Variants in MPDZ observed in about 807,000 individuals in gnomAD.
MPDZ encodes multiple PDZ domain protein.
A neutral mutation model predicts 239.1 loss-of-function variants in MPDZ; 234 were observed. The observed-to-expected ratio is 0.98, with a 90% CI of 0.88 to 1.09. The LOEUF (loss-of-function observed/expected upper bound fraction) is 1.09. MPDZ is among the 50% of genes least tolerant of loss of function. The pLI is 0.00. For missense variants in MPDZ, 3,175 were observed against 2,510.0 expected (o/e 1.26, Z -5.66); for synonymous variants, 1,048 against 881.3 (o/e 1.19, Z -3.35).
chr9:13,162,357 T>TA (rs1272038122), intron 23 of MPDZ, among the ~76,000 whole-genome samples: 3 of 150,864 alleles, frequency 2.0e-5, no homozygotes, highest in East Asian at 1.9e-4. Context: ...ATTAAAAGAG[T>TA]AAAAAAATCA....
intron 22 of MPDZ, among the ~76,000 whole-genome samples, chr9:13,164,349 C>A (rs1022213423): frequency 9.9e-5 from 15 of 151,856 alleles, no homozygotes; most frequent in Admixed American, 7.9e-4. Context: ...TCAAATAATA[C>A]ATTATGTCAG....
At chr9:13,263,760 G>A (rs1971213172) in intron 1 of MPDZ, among the ~76,000 whole-genome samples, 1 of 152,080 alleles carries the variant, frequency 6.6e-6, no homozygotes, top group Non-Finnish European at 1.5e-5. Context: ...GTTTTACTTT[G>A]AACATACGTT....
At chr9:13,252,566 C>T (rs983253984) in intron 1 of MPDZ, among the ~76,000 whole-genome samples, 8 of 63,020 alleles carry the variant, frequency 1.3e-4, no homozygotes, top group Admixed American at 3.9e-4. Context: ...CTCTGTCCCC[C>T]GCAAAAAAAA....
chr9:13,124,523 GT>G (rs1944837396), intron 35 of MPDZ, among the ~76,000 whole-genome samples: 1 of 152,074 alleles, frequency 6.6e-6, no homozygotes, highest in Non-Finnish European at 1.5e-5. Flanking sequence ...GCTTGAAACT[GT>G]TTTATTACAC....
intron 10 of MPDZ, among the ~76,000 whole-genome samples, chr9:13,210,325 G>A (rs1456004235): frequency 4.6e-5 from 7 of 151,618 alleles, no homozygotes; most frequent in South Asian, 2.1e-4. Flanking sequence ...GCCACCAAGC[G>A]GAAATTTAAA....
At chr9:13,271,738 G>A (rs1031099944) in intron 1 of MPDZ, among the ~76,000 whole-genome samples, 3 of 152,112 alleles carry the variant, frequency 2.0e-5, no homozygotes, top group Non-Finnish European at 2.9e-5. Flanking sequence ...ATAAGACAAC[G>A]GAAGTGCAGG....
chr9:13,109,963 C>G lies in MPDZ; in HGVS notation c.5931G>C (p.Gln1977His), dbSNP rs372873246. The change falls in exon 45 of 47, where the codon CAG becomes CAC. Residue 1977 changes from glutamine (Q) to histidine (H), a missense_variant. Transcript: ENST00000319217. The stretch of plus-strand genomic sequence containing the variant: ...ATGTATGAACTCACCCTAAATCATC[C>G]TGAAATATACTGCTTGACGTCAGCC... ...FTGLTSSSIF[Q>H]DDLGPPQCKS... The G allele has an allele frequency of 1.9e-6, 3 of 1,612,286 alleles. No individual in the cohort carries two copies. Among genetic ancestry groups the G allele is most frequent in the Non-Finnish European group, 2.5e-6 (3 of 1,179,390 alleles).
chr9:13,278,083 C>T (rs1974643968), intron 1 of MPDZ, among the ~76,000 whole-genome samples: 1 of 152,102 alleles, frequency 6.6e-6, no homozygotes, highest in Non-Finnish European at 1.5e-5. Flanking sequence ...GTAACCTAAA[C>T]CAGGAATTTC....
intron 1 of MPDZ, among the ~76,000 whole-genome samples, chr9:13,269,721 G>A (rs1338005406): frequency 6.6e-6 from 1 of 152,212 alleles, no homozygotes; most frequent in Non-Finnish European, 1.5e-5. Context: ...TGCCAGCAAA[G>A]AGATGTTACT....
rs2133660084 is a variant in MPDZ at position 13,162,798 on chromosome 9, G to A, written c.3255-3C>T. 6.3e-7 allele frequency: 1 copy of A among 1,596,174 alleles called. No homozygotes were observed. The highest frequency in any genetic ancestry group is 8.6e-7 in the Non-Finnish European group (1 of 1,166,392). ...GTTCTGCAGGCACATAAGTAATTCT[G>A]GAACAAACCAGAATCCATGGAAGTG... On this transcript the variant is annotated splice_polypyrimidine_tract_variant and splice_region_variant and intron_variant, in intron 22 of 46. Coordinates refer to ENST00000319217, the MANE Select transcript of MPDZ (RefSeq NM_001378778.1).
intron 22 of MPDZ, chr9:13,165,498 G>A: frequency 1.4e-6 from 2 of 1,453,894 alleles, no homozygotes; most frequent in African/African-American, 1.4e-5. Flanking sequence ...GCATACATAT[G>A]TAGTTAAAAG....
intron 19 of MPDZ, among the ~76,000 whole-genome samples, chr9:13,177,774 A>G (rs1341572829): frequency 6.6e-6 from 1 of 152,170 alleles, no homozygotes; most frequent in East Asian, 1.9e-4. Flanking sequence ...AAATTAATAG[A>G]AACTAATACA....
rs545268941 is a variant in MPDZ at position 13,140,558 on chromosome 9, A to G, written c.3841-409T>C. Among the ~76,000 whole-genome samples, 174 of 151,050 alleles carry G rather than the reference A, an allele frequency of 1.2e-3. 1 individual carries two copies. The highest frequency in any genetic ancestry group is 3.6e-3 in the Middle Eastern group (1 of 278). ...TTAGATGGGATTCAGGTAAAGTTTAAATATATCAAACCAAGTAGTATCAGA... is the reference window on the plus strand; with the variant it reads ...TTAGATGGGATTCAGGTAAAGTTTAGATATATCAAACCAAGTAGTATCAGA... On this transcript the variant is annotated intron_variant, in intron 27 of 46. Coordinates refer to ENST00000319217, the MANE Select transcript of MPDZ (RefSeq NM_001378778.1).
intron 24 of MPDZ, among the ~76,000 whole-genome samples, chr9:13,157,683 T>C (rs775320044): frequency 6.6e-6 from 1 of 152,034 alleles, no homozygotes; most frequent in Non-Finnish European, 1.5e-5. Context: ...CCTATCTAGT[T>C]TCTACAAATG....
At chr9:13,249,602 G>A (rs1464367122) in intron 2 of MPDZ, among the ~76,000 whole-genome samples, 1 of 152,074 alleles carries the variant, frequency 6.6e-6, no homozygotes, top group Non-Finnish European at 1.5e-5. Context: ...AATGATTAAG[G>A]TGCCAGAGTG....
At chr9:13,170,108 A>G (rs1188255824) in intron 21 of MPDZ, among the ~76,000 whole-genome samples, 1 of 152,186 alleles carries the variant, frequency 6.6e-6, no homozygotes, top group Non-Finnish European at 1.5e-5. Flanking sequence ...ACAAAATTAT[A>G]TAATTAAACA....
intron 25 of MPDZ, among the ~76,000 whole-genome samples, chr9:13,148,423 G>C (rs1948713457): frequency 6.6e-6 from 1 of 151,932 alleles, no homozygotes. Context: ...ACCATGTTAT[G>C]ATATATACAA....
rs1467827996 is a variant in MPDZ at position 13,113,999 on chromosome 9, G to A, written c.5489C>T (p.Ser1830Phe). 1 of 1,596,380 alleles carries A rather than the reference G, an allele frequency of 6.3e-7. No homozygotes were observed. The highest frequency in any genetic ancestry group is 8.5e-7 in the Non-Finnish European group (1 of 1,170,842). ...GGATCCAGAGAGTGGAAAAGTGAAA[G>A]ATGACAGGCTGCCTTCACTCACCTA... The part of the protein sequence containing the change: ...SSQVSEGSLS[S>F]FTFPLSGSST... The change falls in exon 41 of 47, where the codon TCT (serine) becomes TTT (phenylalanine). Residue 1830 changes from serine (S) to phenylalanine (F), a missense_variant. By Grantham distance (155) the Ser-to-Phe change is radical. Transcript: ENST00000319217.
intron 27 of MPDZ, among the ~76,000 whole-genome samples, chr9:13,140,427 CCATT>C (rs1295042408): frequency 7.0e-6 from 1 of 141,914 alleles, no homozygotes; most frequent in Non-Finnish European, 1.5e-5. Context: ...TATGAGCTTT[CCATT>C]ATTTGTTTGA....
Sources: allele counts gnomAD v4.1 joint callset (sites outside exome capture counted in the v4.1 genomes callset), GRCh38; gene constraint gnomAD v4.1.1; transcripts MANE v1.5; gene names NCBI Gene and HGNC (gene_info 2026-07-23, HGNC 2026-07-21).